Variants in PRICKLE1 observed in about 807,000 individuals in gnomAD.
PRICKLE1 encodes the protein prickle planar cell polarity protein 1, also known as prickle-like protein 1.
PRICKLE1 carries 14 observed loss-of-function variants against 70.2 expected under a neutral mutation model. The ratio of observed to expected loss-of-function variants is 0.20; its 90% CI spans 0.13 to 0.31. The LOEUF is 0.31. Among genes scored for constraint, PRICKLE1 ranks in the 10% least tolerant of loss-of-function variants. PRICKLE1 has a pLI of 1.00. For missense variants in PRICKLE1, 821 were observed against 1,026.2 expected (o/e 0.80, Z 2.73); for synonymous variants, 357 against 379.9 (o/e 0.94, Z 0.70).
chr12:42,551,752 G>C (rs1041132570), intron 1 of PRICKLE1, among the ~76,000 whole-genome samples: 2 of 152,182 alleles, frequency 1.3e-5, no homozygotes, highest in African/African-American at 2.4e-5. Context: ...CAAAAGGTTG[G>C]CTGTCTGATT....
intron 1 of PRICKLE1, among the ~76,000 whole-genome samples, chr12:42,541,241 A>G (rs1290122010): frequency 6.6e-6 from 1 of 152,214 alleles, no homozygotes; most frequent in Non-Finnish European, 1.5e-5. Flanking sequence ...CTATATAAGG[A>G]AAAAATTACT....
chr12:42,553,019 G>A (rs1940346752), intron 1 of PRICKLE1, among the ~76,000 whole-genome samples: 1 of 152,228 alleles, frequency 6.6e-6, no homozygotes, highest in South Asian at 2.1e-4. Context: ...CTCGCTGGCC[G>A]GCGGCTCACC....
chr12:42,542,412 A>G (rs981137818), intron 1 of PRICKLE1, among the ~76,000 whole-genome samples: 2 of 152,118 alleles, frequency 1.3e-5, no homozygotes, highest in Non-Finnish European at 2.9e-5. Flanking sequence ...GCATTTTGGG[A>G]GGCCAAGATG....
chr12:42,534,346 G>A (rs1185297032), intron 1 of PRICKLE1, among the ~76,000 whole-genome samples: 1 of 152,116 alleles, frequency 6.6e-6, no homozygotes, highest in Non-Finnish European at 1.5e-5. Flanking sequence ...GGGGACTCGG[G>A]TGAATTCCAA....
chr12:42,585,836 G>A (rs1291847295), intron 1 of PRICKLE1, among the ~76,000 whole-genome samples: 1 of 152,154 alleles, frequency 6.6e-6, no homozygotes, highest in Non-Finnish European at 1.5e-5. Context: ...AGTTACTGGG[G>A]CAGATGAAGC....
chr12:42,589,516 G>A lies in PRICKLE1; in HGVS notation c.-100C>T, dbSNP rs1270194090. The A allele has an allele frequency of 6.5e-6, 1 of 153,072 alleles. No homozygotes were observed. The highest frequency in any genetic ancestry group is 6.6e-5 in the Admixed American group (1 of 15,108). 9.5% of individuals were successfully genotyped at this position (153,072 alleles called of 1,614,324 possible). A position where few individuals can be genotyped will look rare whatever the true frequency, so the allele number is the denominator to read the frequency against. On this transcript the variant is annotated 5_prime_UTR_variant, in exon 1 of 8. Coordinates refer to ENST00000345127, the MANE Select transcript of PRICKLE1 (RefSeq NM_153026.3). This position sits in a 1 kb window ranked among gnomAD's most constrained non-coding sequence, Gnocchi z 5.0. ...TGCACTGTCCTCGGCGCCGCTGCGG[G>A]GCTGCTGGGCTGCGGGGCTGCGGGG...
intron 1 of PRICKLE1, among the ~76,000 whole-genome samples, chr12:42,500,483 G>C (rs2140181136): frequency 6.6e-6 from 1 of 152,240 alleles, no homozygotes. Flanking sequence ...TGCAGATTAT[G>C]CTGAACAAAA....
In PRICKLE1 at chr12:42,588,854, A is replaced by C. The variant is rs948628241; in HGVS notation, c.-49+611T>G. On this transcript the variant is annotated intron_variant, in intron 1 of 7. Transcript: ENST00000345127. ...CTGCTGCATCCTGAGTCCCGCTCCT[A>C]ATAACTATTAACATGCCTAGTTTCT... Among the ~76,000 whole-genome samples the C allele has an allele frequency of 3.9e-5, 6 of 152,200 alleles. No individual in the cohort carries two copies. The East Asian group carries it at 1.2e-3, about 29-fold the overall frequency.
intron 1 of PRICKLE1, among the ~76,000 whole-genome samples, chr12:42,535,663 A>G (rs1315479213): frequency 2.0e-5 from 3 of 152,190 alleles, no homozygotes; most frequent in Non-Finnish European, 4.4e-5. Flanking sequence ...CACACCCTCT[A>G]GTCCCAGCTA....
chr12:42,485,887 A>G (rs905295955), intron 1 of PRICKLE1, among the ~76,000 whole-genome samples: 2 of 152,202 alleles, frequency 1.3e-5, no homozygotes, highest in Admixed American at 1.3e-4. Flanking sequence ...ACCCATTGTA[A>G]GCGTTTTTAG....
chr12:42,547,900 T>C (rs1940241413), intron 1 of PRICKLE1, among the ~76,000 whole-genome samples: 1 of 152,192 alleles, frequency 6.6e-6, no homozygotes, highest in African/African-American at 2.4e-5. Context: ...TTTGCATATA[T>C]GTAATGAGAT....
chr12:42,493,445 A>T (rs1359317221), intron 1 of PRICKLE1, among the ~76,000 whole-genome samples: 1 of 152,084 alleles, frequency 6.6e-6, no homozygotes, highest in Non-Finnish European at 1.5e-5. Context: ...GGTTAACCAG[A>T]AAAAAAAGAT....
intron 1 of PRICKLE1, among the ~76,000 whole-genome samples, chr12:42,586,823 T>G (rs1283748045): frequency 6.6e-6 from 1 of 152,230 alleles, no homozygotes; most frequent in Non-Finnish European, 1.5e-5. Context: ...CTTTTAAAAC[T>G]TATAATTCAG....
intron 1 of PRICKLE1, among the ~76,000 whole-genome samples, chr12:42,543,811 G>A (rs544332529): frequency 9.2e-5 from 14 of 152,204 alleles, no homozygotes; most frequent in African/African-American, 2.4e-4. Flanking sequence ...GTGAGCCACC[G>A]CACCCGGCCA....
intron 1 of PRICKLE1, among the ~76,000 whole-genome samples, chr12:42,513,732 T>C (rs1014763681): frequency 6.6e-6 from 1 of 152,084 alleles, no homozygotes. Flanking sequence ...GCCTATTATA[T>C]AACCTGCAAT....
chr12:42,457,945 G>A lies in PRICKLE1; in HGVS notation c.*1864C>T, dbSNP rs532325264. The A allele has an allele frequency of 6.6e-6, 1 of 152,224 alleles. No individual in the cohort carries two copies. The highest frequency in any genetic ancestry group is 1.9e-4 in the East Asian group (1 of 5,198). The allele number at this position is 152,224 out of a possible 1,614,324, so 9.4% of individuals were successfully genotyped here. On this transcript the variant is annotated 3_prime_UTR_variant, in exon 8 of 8. Transcript: ENST00000345127. ...CCCTATTTGAATTTTTTTGTCATGTGTATGCACTTCCTTTTCATTGCTGAT... is the reference window on the plus strand; with the variant it reads ...CCCTATTTGAATTTTTTTGTCATGTATATGCACTTCCTTTTCATTGCTGAT...
intron 1 of PRICKLE1, among the ~76,000 whole-genome samples, chr12:42,549,672 T>C (rs914572507): frequency 1.3e-5 from 2 of 152,274 alleles, no homozygotes; most frequent in African/African-American, 4.8e-5. Context: ...GGCTCACTTA[T>C]CTCTCCAGTC....
chr12:42,560,048 A>T lies in PRICKLE1; in HGVS notation c.-49+29417T>A, dbSNP rs941574957. ...AAAAGAACAGGAACCAGCTCTTCAA[A>T]CTTAAGGTAAAGTATTAAAATTTAG... On this transcript the variant is annotated intron_variant, in intron 1 of 7. Transcript: ENST00000345127. 2.0e-5 allele frequency among the ~76,000 whole-genome samples: 3 copies of T among 151,402 alleles called. No homozygotes were observed. The South Asian group carries it at 6.2e-4, about 31-fold the overall frequency.
chr12:42,577,074 T>C (rs1331573645), intron 1 of PRICKLE1, among the ~76,000 whole-genome samples: 2 of 152,212 alleles, frequency 1.3e-5, no homozygotes, highest in Non-Finnish European at 2.9e-5. Flanking sequence ...TCTCTAAGCC[T>C]CCCAAAATTA....
Sources: allele counts gnomAD v4.1 joint callset (sites outside exome capture counted in the v4.1 genomes callset), GRCh38; gene constraint gnomAD v4.1.1; non-coding constraint Gnocchi (gnomAD v3.1); transcripts MANE v1.5; gene names NCBI Gene and HGNC (gene_info 2026-07-23, HGNC 2026-07-21).